Variants in NDUFAF6 observed in about 807,000 individuals in gnomAD.
The protein encoded by NDUFAF6 is NADH dehydrogenase (ubiquinone) complex I, assembly factor 6.
Under a neutral mutation model 40.8 loss-of-function variants are expected in NDUFAF6, and 45 were observed. That is an observed-to-expected ratio of 1.10 (90% CI 0.87 to 1.42). The LOEUF (loss-of-function observed/expected upper bound fraction) is 1.42. Ranked by LOEUF, NDUFAF6 falls within the 40% of genes most tolerant of loss-of-function variation. The pLI is 0.00. For missense variants in NDUFAF6, 435 were observed against 418.5 expected, an observed-to-expected ratio of 1.04 and a Z score of -0.34; for synonymous variants, 185 against 155.9, an observed-to-expected ratio of 1.19 and a Z score of -1.39.
In NDUFAF6 at chr8:95,115,768, C is replaced by T. The variant is rs575547244; in HGVS notation, n.546+31C>T. On this transcript the variant is annotated intron_variant and non_coding_transcript_variant, in intron 5 of 5. Transcript: ENST00000523184. The stretch of plus-strand genomic sequence containing the variant: ...TTTTCAGTTGCTCCAAACATGACTG[C>T]TTGGCAGATAGTTTTGAGAGAAGGT... 4.6e-5 allele frequency: 7 copies of T among 152,360 alleles called. No individual in the cohort carries two copies. The South Asian group carries it at 1.4e-3, about 32-fold the overall frequency. The allele number at this position is 152,360 out of a possible 1,614,324, so 9.4% of individuals were successfully genotyped here.
intron 1 of NDUFAF6, among the ~76,000 whole-genome samples, chr8:94,944,947 A>G (rs1457423551): frequency 6.6e-6 from 1 of 152,220 alleles, no homozygotes; most frequent in Non-Finnish European, 1.5e-5. Flanking sequence ...AGGTGTCACA[A>G]AAGGCAAGGA....
rs1005719752 is a variant in NDUFAF6 at position 94,933,840 on chromosome 8, G to GC, written c.-935-11643_-935-11642insC. ...CTGTAATCCCAGCACTTTGTGGGGG[G>GC]GGGGGGAGGATCACGAGGTCAGGAG... On this transcript the variant is annotated intron_variant, in intron 1 of 14. Transcript: ENST00000396113. 8.7e-5 allele frequency among the ~76,000 whole-genome samples: 13 copies of GC among 148,602 alleles called. 1 individual carries two copies. In the Middle Eastern group the frequency reaches 0.017, roughly 197 times the overall value.
At chr8:94,994,494 T>C (rs976240058) in intron 2 of NDUFAF6, among the ~76,000 whole-genome samples, 1 of 149,130 alleles carries the variant, frequency 6.7e-6, no homozygotes, top group Non-Finnish European at 1.5e-5. Context: ...GAAGTTGCAG[T>C]GAGCCGAGAT....
At chr8:94,930,535 C>G in intron 1 of NDUFAF6, 1 of 1,614,232 alleles carries the variant, frequency 6.2e-7, no homozygotes, top group Non-Finnish European at 8.5e-7. Context: ...TTGTGCTTGA[C>G]TTGCCGAGGG....
chr8:95,040,124 AGCTT>A (rs957468528), intron 3 of NDUFAF6, among the ~76,000 whole-genome samples: 51 of 152,162 alleles, frequency 3.4e-4, no homozygotes, highest in African/African-American at 1.2e-3. Context: ...ACATTTCCGT[AGCTT>A]TTTTTAGCCC....
intron 2 of NDUFAF6, among the ~76,000 whole-genome samples, chr8:95,015,982 C>T (rs1003652565): frequency 1.3e-5 from 2 of 152,148 alleles, no homozygotes; most frequent in Non-Finnish European, 2.9e-5. Context: ...TAAGATATCA[C>T]CAGACATTCC....
intron 2 of NDUFAF6, among the ~76,000 whole-genome samples, chr8:95,000,531 A>G (rs1351775819): frequency 6.6e-6 from 1 of 152,188 alleles, no homozygotes; most frequent in African/African-American, 2.4e-5. Context: ...TCTTTTTATT[A>G]GAATTAGATA....
At chr8:94,955,274 A>AGTTGTG (rs1822980303), upstream of NDUFAF6, among the ~76,000 whole-genome samples, 3 of 152,366 alleles carry the variant, frequency 2.0e-5, no homozygotes, top group South Asian at 6.2e-4. Context: ...TATTTCTTAC[A>AGTTGTG]GTTGTGGAGT....
intron 1 of NDUFAF6, among the ~76,000 whole-genome samples, chr8:94,964,991 C>T (rs559168423): frequency 6.6e-6 from 1 of 152,278 alleles, no homozygotes; most frequent in East Asian, 1.9e-4. Flanking sequence ...TGAGGGAAAT[C>T]CCTCCCTCTA....
At chr8:95,068,814 A>G (rs1832762346) in intron 9 of NDUFAF6, 1 of 151,930 alleles carries the variant, frequency 6.6e-6, no homozygotes, top group Non-Finnish European at 1.5e-5. Context: ...TAATTACTCC[A>G]TAATTTCTGT....
intron 9 of NDUFAF6, among the ~76,000 whole-genome samples, chr8:95,069,825 A>G (rs1446501127): frequency 1.4e-5 from 2 of 145,784 alleles, no homozygotes; most frequent in African/African-American, 5.0e-5. Context: ...ATATATATAT[A>G]TAATATATAT....
intron 2 of NDUFAF6, among the ~76,000 whole-genome samples, chr8:95,089,983 C>G (rs1809195629): frequency 6.6e-6 from 1 of 152,314 alleles, no homozygotes; most frequent in Middle Eastern, 3.4e-3. Context: ...TGCGGGTCCT[C>G]TACCCCAGGT....
intron 1 of NDUFAF6, chr8:94,980,821 T>G (rs1825385198): frequency 2.4e-6 from 1 of 408,632 alleles, no homozygotes; most frequent in African/African-American, 2.1e-5. Flanking sequence ...CCATTACCCC[T>G]TTTCTCCATC....
rs960842926 is a variant in NDUFAF6, at chr8:95,085,458, C to T, written n.213+9706C>T. On this transcript the variant is annotated intron_variant and non_coding_transcript_variant, in intron 2 of 5. Transcript: ENST00000523184. ...CATAGAAAACCTCAGCCAGGAGACT[C>T]ATAAAATTGGACAGGCGGTGATTAG... The T allele has an allele frequency of 8.5e-5, 13 of 152,168 alleles. 1 individual carries two copies. The allele number at this position is 152,168 out of a possible 1,614,324, so 9.4% of individuals were successfully genotyped here. A position where few individuals can be genotyped will look rare whatever the true frequency, so the allele number is the denominator to read the frequency against.
At chr8:94,896,500 A>G (rs2131143583) in intron 1 of NDUFAF6, 1 of 152,344 alleles carries the variant, frequency 6.6e-6, no homozygotes, top group South Asian at 2.1e-4. Flanking sequence ...TATTCCGCAA[A>G]CAGGTTTTGC....
rs547598106 is a variant in NDUFAF6 at position 95,027,639 on chromosome 8, T to G, written c.197+2434T>G. Among the ~76,000 whole-genome samples, 4 of 152,014 alleles carry G rather than the reference T, an allele frequency of 2.6e-5. No homozygotes were observed. In the East Asian group the frequency reaches 7.7e-4, roughly 29 times the overall value. On this transcript the variant is annotated intron_variant, in intron 1 of 8. Transcript: ENST00000396124. ...TCATTTGTAAATGTTTACTCTTACC[T>G]TATAGCCTGGTGTTGTGAGGATTAA... is the stretch of plus-strand genomic sequence containing the variant.
chr8:94,918,276 C>T (rs994945836), intron 1 of NDUFAF6, among the ~76,000 whole-genome samples: 1 of 152,130 alleles, frequency 6.6e-6, no homozygotes, highest in Non-Finnish European at 1.5e-5. Context: ...CCCTAGGGCC[C>T]AGACTTGGTT....
Position 95,039,451 on chromosome 8 carries a change from C to T in NDUFAF6, c.421-2119C>T, listed in dbSNP as rs371909933. On this transcript the variant is annotated intron_variant, in intron 3 of 8. Coordinates refer to ENST00000396124, the MANE Select transcript of NDUFAF6 (RefSeq NM_152416.4). ...CTGGCGACAAAGCGAGACTCTGTCT[C>T]AAAAAAAAAAAAGGGGGGGTTTCAC... Among the ~76,000 whole-genome samples the T allele has an allele frequency of 8.7e-5, 12 of 137,502 alleles. No homozygotes were observed. In the East Asian group the frequency reaches 1.1e-3, roughly 13 times the overall value. The allele number at this position is 137,502 out of a possible 152,430, so 90.2% of individuals were successfully genotyped here.
downstream of NDUFAF6, among the ~76,000 whole-genome samples, chr8:95,079,755 C>T (rs1456542732): frequency 6.6e-6 from 1 of 150,740 alleles, no homozygotes; most frequent in African/African-American, 2.4e-5. Flanking sequence ...TGCTTTGTCG[C>T]CTAGGCTGGA....
Sources: allele counts gnomAD v4.1 joint callset (sites outside exome capture counted in the v4.1 genomes callset), GRCh38; gene constraint gnomAD v4.1.1; transcripts MANE v1.5; gene names NCBI Gene and HGNC (gene_info 2026-07-23, HGNC 2026-07-21).